Variants in SBF2 observed in about 807,000 individuals in gnomAD.
SBF2 encodes the protein SET binding factor 2, also known as myotubularin-related protein 13.
SBF2 carries 112 observed loss-of-function variants against 225.2 expected under a neutral mutation model. That is an observed-to-expected ratio of 0.50 (90% CI 0.43 to 0.58). The LOEUF is 0.58. SBF2 is among the 20% of genes least tolerant of loss of function. SBF2 has a pLI of 0.00. For synonymous variants in SBF2, 763 were observed against 773.3 expected, an observed-to-expected ratio of 0.99 and a Z score of 0.22; for missense variants, 1,996 against 2,206.2, an observed-to-expected ratio of 0.90 and a Z score of 1.91.
intron 2 of SBF2, among the ~76,000 whole-genome samples, chr11:10,080,782 A>G (rs1197024616): frequency 1.3e-5 from 2 of 152,168 alleles, no homozygotes; most frequent in African/African-American, 4.8e-5. Context: ...TATTCCATGC[A>G]AACAAAAATC....
chr11:10,000,812 T>C, intron 8 of SBF2, 102 bp downstream of exon 8: 1 of 696,830 alleles, frequency 1.4e-6, no homozygotes, highest in Non-Finnish European at 2.6e-6. Context: ...CTGGAAATGC[T>C]ACAGATCTGA....
chr11:9,816,421 T>A (rs1854461343), intron 29 of SBF2, among the ~76,000 whole-genome samples: 1 of 152,152 alleles, frequency 6.6e-6, no homozygotes, highest in Admixed American at 6.5e-5. Flanking sequence ...TCTTCCTCTC[T>A]CCATTCTTCT....
intron 16 of SBF2, chr11:9,959,245 A>G (rs1366738335): frequency 2.6e-6 from 2 of 775,772 alleles, no homozygotes; most frequent in Non-Finnish European, 4.8e-6. Flanking sequence ...TGCAATCTTG[A>G]CTCCAGAATA....
intron 17 of SBF2, 75 bp from the exon 18 acceptor site, chr11:9,858,471 G>A: frequency 7.2e-7 from 1 of 1,389,064 alleles, no homozygotes; most frequent in South Asian, 1.2e-5. Flanking sequence ...AGGGGCCACA[G>A]TTAATCATAG....
intron 16 of SBF2, among the ~76,000 whole-genome samples, chr11:9,940,218 AC>A (rs1865169396): frequency 6.6e-6 from 1 of 152,102 alleles, no homozygotes; most frequent in African/African-American, 2.4e-5. Context: ...CCTGGCTAAC[AC>A]GGTGAAACCC....
intron 39 of SBF2, among the ~76,000 whole-genome samples, chr11:9,781,116 T>C (rs1171976719): frequency 6.6e-6 from 1 of 152,252 alleles, no homozygotes; most frequent in East Asian, 1.9e-4. Context: ...GATGTTAGCG[T>C]AGACACTTAT....
intron 2 of SBF2, among the ~76,000 whole-genome samples, chr11:10,138,942 A>C (rs1289997767): frequency 1.3e-5 from 2 of 152,180 alleles, no homozygotes; most frequent in Non-Finnish European, 2.9e-5. Flanking sequence ...TTTCCTTGGA[A>C]AGTCTTCATG....
intron 2 of SBF2, among the ~76,000 whole-genome samples, chr11:10,173,185 G>A (rs1023044400): frequency 1.3e-5 from 2 of 152,194 alleles, no homozygotes; most frequent in South Asian, 4.1e-4. Context: ...AACAGCTCTG[G>A]TCTACAGCTC....
chr11:10,211,199 G>A (rs1957935628), intron 1 of SBF2, among the ~76,000 whole-genome samples: 1 of 152,038 alleles, frequency 6.6e-6, no homozygotes, highest in East Asian at 1.9e-4. Context: ...AACAAAGCCA[G>A]TAGCCTTCTC....
intron 2 of SBF2, among the ~76,000 whole-genome samples, chr11:10,097,184 A>G (rs944223895): frequency 1.3e-5 from 2 of 152,226 alleles, no homozygotes; most frequent in African/African-American, 4.8e-5. Flanking sequence ...CACTTTCGCC[A>G]TTTGAGAACA....
intron 2 of SBF2, among the ~76,000 whole-genome samples, chr11:10,078,507 T>C (rs1046414215): frequency 1.2e-4 from 19 of 152,154 alleles, no homozygotes; most frequent in Non-Finnish European, 2.6e-4. Context: ...GAAACCATCA[T>C]TCTCAGCAAA....
chr11:9,848,916 T>C (rs866907679), intron 22 of SBF2, among the ~76,000 whole-genome samples: 7 of 152,246 alleles, frequency 4.6e-5, no homozygotes, highest in African/African-American at 1.7e-4. Flanking sequence ...CTAGGAATAA[T>C]GCAACTGTTA....
intron 16 of SBF2, among the ~76,000 whole-genome samples, chr11:9,949,194 T>C (rs1260000413): frequency 1.3e-5 from 2 of 152,138 alleles, no homozygotes; most frequent in African/African-American, 2.4e-5. Flanking sequence ...TGAAAATAAA[T>C]GCTATTGATT....
chr11:10,183,124 A>G (rs1357483650), intron 2 of SBF2, among the ~76,000 whole-genome samples: 2 of 152,146 alleles, frequency 1.3e-5, no homozygotes, highest in Non-Finnish European at 2.9e-5. Flanking sequence ...CAGGGTGATC[A>G]TCACCCCACA....
At chr11:9,972,786 A>G (rs911182447) in intron 13 of SBF2, among the ~76,000 whole-genome samples, 2 of 152,184 alleles carry the variant, frequency 1.3e-5, no homozygotes, top group Non-Finnish European at 2.9e-5. Context: ...CAGCCCTCCA[A>G]TAAGTTTTAA....
chr11:9,987,413 G>A (rs1385726733), intron 13 of SBF2, among the ~76,000 whole-genome samples: 1 of 152,112 alleles, frequency 6.6e-6, no homozygotes, highest in Admixed American at 6.5e-5. Context: ...GGAAGTCCTA[G>A]CCAGAACAAT....
intron 16 of SBF2, among the ~76,000 whole-genome samples, chr11:9,908,902 G>A (rs1180970369): frequency 6.7e-6 from 1 of 149,508 alleles, no homozygotes; most frequent in East Asian, 2.0e-4. Flanking sequence ...TGCTCAGGCT[G>A]GTCTTGAACT....
intron 28 of SBF2, among the ~76,000 whole-genome samples, chr11:9,818,048 C>T (rs1854553950): frequency 2.6e-5 from 4 of 152,100 alleles, no homozygotes; most frequent in South Asian, 2.1e-4. Context: ...TGGGTTCAAG[C>T]GATTCTCCTG....
At chr11:10,268,252 A>T (rs1962176412) in intron 1 of SBF2, among the ~76,000 whole-genome samples, 3 of 151,770 alleles carry the variant, frequency 2.0e-5, no homozygotes, top group South Asian at 4.1e-4. Flanking sequence ...AACTATACAG[A>T]TTTTTTTTTC....
Sources: allele counts gnomAD v4.1 joint callset (sites outside exome capture counted in the v4.1 genomes callset), GRCh38; gene constraint gnomAD v4.1.1; transcripts MANE v1.5; gene names NCBI Gene and HGNC (gene_info 2026-07-23, HGNC 2026-07-21).